KRAS: variants seen among roughly 807,000 people sequenced by gnomAD.
KRAS encodes KRas proto-oncogene, GTPase.
KRAS carries 1 observed loss-of-function variant against 21.0 expected under a neutral mutation model. The observed-to-expected ratio is 0.05, with a 90% CI of 0.02 to 0.23. The LOEUF (loss-of-function observed/expected upper bound fraction) is 0.23, where lower values mean the gene tolerates loss of function less well. Ranked by LOEUF, KRAS falls within the 10% of genes least tolerant of loss-of-function variation. The pLI is 1.00. For synonymous variants in KRAS, 67 were observed against 72.5 expected (o/e 0.92, Z 0.39); for missense variants, 107 against 221.8 (o/e 0.48, Z 3.29).
At chr12:25,210,016 G>A in intron 4 of KRAS, 105 bp from the exon 5 acceptor site, 1 of 827,134 alleles carries the variant, frequency 1.2e-6, no homozygotes, top group Non-Finnish European at 1.9e-6. Flanking sequence ...GATTCTTTAT[G>A]TTTCTCTTCA....
chr12:25,216,685 A>G (rs1951259434), intron 4 of KRAS, among the ~76,000 whole-genome samples: 1 of 152,248 alleles, frequency 6.6e-6, no homozygotes, highest in African/African-American at 2.4e-5. Context: ...TAAACATAAG[A>G]GAGCTATGAC....
intron 4 of KRAS, among the ~76,000 whole-genome samples, chr12:25,217,000 T>C (rs1176255440): frequency 3.9e-5 from 6 of 152,226 alleles, no homozygotes; most frequent in Non-Finnish European, 7.3e-5. Context: ...TATCTTAAAA[T>C]TAAGAATAAA....
chr12:25,222,174 AAAATAAAT>A (rs139753860), intron 4 of KRAS, among the ~76,000 whole-genome samples: 29 of 148,302 alleles, frequency 2.0e-4, no homozygotes, highest in Admixed American at 3.4e-4. Flanking sequence ...GAAAGAAAGA[AAAATAAAT>A]AAATAAATAA....
intron 4 of KRAS, among the ~76,000 whole-genome samples, chr12:25,218,945 G>T (rs12825648): frequency 9.0e-5 from 13 of 144,504 alleles, no homozygotes; most frequent in African/African-American, 2.6e-4. Flanking sequence ...TTCTTTTTTT[G>T]TTTTTTTTTT....
chr12:25,229,804 T>C (rs1269453070), intron 2 of KRAS, among the ~76,000 whole-genome samples: 1 of 151,280 alleles, frequency 6.6e-6, no homozygotes, highest in Non-Finnish European at 1.5e-5. Flanking sequence ...AGTCTCGCTC[T>C]GTCGCCCAGG....
At chr12:25,214,095 G>A (rs1198058059) in intron 4 of KRAS, among the ~76,000 whole-genome samples, 1 of 152,202 alleles carries the variant, frequency 6.6e-6, no homozygotes, top group Non-Finnish European at 1.5e-5. Context: ...AGGGCTCCAT[G>A]CCTAGTCTAA....
intron 4 of KRAS, among the ~76,000 whole-genome samples, chr12:25,219,616 T>C (rs1228046447): frequency 1.3e-5 from 2 of 152,190 alleles, no homozygotes; most frequent in Admixed American, 6.5e-5. Flanking sequence ...AGCCTTTTGG[T>C]GGGGAAGGGC....
chr12:25,246,209 G>T (rs954212309), intron 1 of KRAS, among the ~76,000 whole-genome samples: 2 of 146,952 alleles, frequency 1.4e-5, no homozygotes, highest in Non-Finnish European at 3.0e-5. Context: ...AGAGAACTCC[G>T]AATTAACTGT....
At chr12:25,236,507 C>T (rs1021957612) in intron 2 of KRAS, among the ~76,000 whole-genome samples, 9 of 151,992 alleles carry the variant, frequency 5.9e-5, no homozygotes, top group Non-Finnish European at 1.0e-4. Flanking sequence ...TACTGTGTTA[C>T]TTCAGTGTTT....
At chr12:25,236,926 C>T (rs1951551801) in intron 2 of KRAS, among the ~76,000 whole-genome samples, 1 of 152,028 alleles carries the variant, frequency 6.6e-6, no homozygotes, top group African/African-American at 2.4e-5. Context: ...CATATGGTCA[C>T]ACAAAAACGT....
intron 4 of KRAS, among the ~76,000 whole-genome samples, chr12:25,220,460 G>A (rs1951305864): frequency 6.6e-6 from 1 of 152,214 alleles, no homozygotes; most frequent in South Asian, 2.1e-4. Flanking sequence ...TGGGCACAGT[G>A]GCTCACGCCT....
intron 4 of KRAS, among the ~76,000 whole-genome samples, chr12:25,214,481 A>G (rs1372863038): frequency 6.6e-6 from 1 of 151,070 alleles, no homozygotes; most frequent in Non-Finnish European, 1.5e-5. Context: ...TCTGCCTCCC[A>G]GGTTCAAGCA....
rs533688558 is a variant in KRAS, at chr12:25,211,609, A to G, written c.451-1698T>C. On this transcript the variant is annotated intron_variant, in intron 4 of 4. Coordinates refer to ENST00000311936, the MANE Select transcript of KRAS (RefSeq NM_004985.5). ...AAAAAAACAAAAAATGTTAAGTGGT[A>G]TTTCTCCTTTACTGTACTACTAAGA... is the stretch of plus-strand genomic sequence containing the variant. 8.9e-4 allele frequency among the ~76,000 whole-genome samples: 136 copies of G among 152,224 alleles called. 1 individual carries two copies. The highest frequency in any genetic ancestry group is 3.4e-3 in the Middle Eastern group (1 of 294).
At chr12:25,242,319 AATC>A (rs1339946129) in intron 2 of KRAS, among the ~76,000 whole-genome samples, 1 of 152,208 alleles carries the variant, frequency 6.6e-6, no homozygotes, top group Non-Finnish European at 1.5e-5. Flanking sequence ...GTGATCAACT[AATC>A]ATTCTGATCT....
intron 4 of KRAS, among the ~76,000 whole-genome samples, chr12:25,218,945 G>GTT (rs71065925): frequency 4.2e-5 from 6 of 144,550 alleles, no homozygotes; most frequent in African/African-American, 1.0e-4. Flanking sequence ...TTCTTTTTTT[G>GTT]TTTTTTTTTT....
In KRAS at chr12:25,245,084, T is replaced by C. The variant is rs12228277; in HGVS notation, c.111+190A>G. On this transcript the variant is annotated intron_variant, in intron 2 of 4. Transcript: ENST00000311936. ...AGAGTGAACATCATGGACCCTGACA[T>C]ACTCCCAAGGAAAGTAAAGTTCCCA... Among the ~76,000 whole-genome samples, 3 of 152,096 alleles carry C rather than the reference T, an allele frequency of 2.0e-5. No homozygotes were observed. The East Asian group carries it at 5.8e-4, about 29-fold the overall frequency.
intron 4 of KRAS, among the ~76,000 whole-genome samples, chr12:25,220,586 G>A (rs1203875149): frequency 6.6e-6 from 1 of 152,026 alleles, no homozygotes; most frequent in Non-Finnish European, 1.5e-5. Flanking sequence ...AATTAGCTGG[G>A]CGTGGTGGTG....
At position 25,208,143 on chromosome 12, in the gene KRAS, A is replaced by G. The variant is rs1951160005; in HGVS notation, c.*1652T>C. On this transcript the variant is annotated 3_prime_UTR_variant, in exon 5 of 5. Coordinates refer to ENST00000311936, the MANE Select transcript of KRAS (RefSeq NM_004985.5). ...TGACAAATAAGTGTATCCTTATGTA[A>G]ATGGAATATAAATTACATAGTTGTA... The G allele has an allele frequency of 4.3e-6, 1 of 230,446 alleles. No individual in the cohort carries two copies. Among genetic ancestry groups the G allele is most frequent in the Non-Finnish European group, 8.5e-6 (1 of 117,214 alleles). 14.3% of individuals were successfully genotyped at this position (230,446 alleles called of 1,614,324 possible).
chr12:25,221,736 G>A (rs181426317), intron 4 of KRAS, among the ~76,000 whole-genome samples: 6 of 152,158 alleles, frequency 3.9e-5, no homozygotes, highest in African/African-American at 1.2e-4. Flanking sequence ...TCCTTTAACC[G>A]GAATATAATT....
Sources: gnomAD v4.1 joint callset for allele counts (sites outside exome capture counted in the v4.1 genomes callset) on GRCh38, gnomAD v4.1.1 for gene constraint, MANE v1.5 for transcripts, NCBI Gene and HGNC (gene_info 2026-07-23, HGNC 2026-07-21) for gene names.